Variants in STK17B observed in about 807,000 individuals in gnomAD.
STK17B encodes the protein serine/threonine kinase 17b.
In STK17B, 21 loss-of-function variants were observed where a neutral mutation model predicts 42.0. The observed-to-expected ratio is 0.50, with a 90% confidence interval of 0.35 to 0.72. The LOEUF (loss-of-function observed/expected upper bound fraction) is 0.72, where lower values mean the gene tolerates loss of function less well. STK17B is among the 30% of genes least tolerant of loss of function. The probability of loss-of-function intolerance (pLI) is 0.00; values close to 1 mark genes in which losing one functional copy is unlikely to be tolerated. For synonymous variants in STK17B, 143 were observed against 148.4 expected, an observed-to-expected ratio of 0.96 and a Z score of 0.26; for missense variants, 349 against 446.0, an observed-to-expected ratio of 0.78 and a Z score of 1.96.
chr2:196,171,788 T>G (rs952000312), upstream of STK17B, among the ~76,000 whole-genome samples: 1 of 80,178 alleles, frequency 1.2e-5, no homozygotes, highest in South Asian at 4.0e-4. Flanking sequence ...CGCGGCGGCG[T>G]GGCGGCGCAG....
In STK17B at chr2:196,156,595, G is replaced by T; in HGVS notation, c.179C>A (p.Ala60Asp). The T allele has an allele frequency of 1.2e-6, 2 of 1,613,980 alleles. No homozygotes were observed. Among genetic ancestry groups the T allele is most frequent in the Non-Finnish European group, 1.7e-6 (2 of 1,179,964 alleles). The change falls in exon 3 of 8, where the codon GCT becomes GAT. Residue 60 changes from alanine to aspartate, a missense_variant. Around this residue, in one of 3 missense-constraint regions of STK17B, gnomAD observed 256 missense variants for 347.7 expected, o/e 0.74. Transcript: ENST00000263955. The stretch of plus-strand genomic sequence containing the variant: ...TCTTCTCTTTTTTAGAAATTTTGCA[G>T]CATATTCTTGGCCAGTAGATTTTGA... ...CISKSTGQEY[A>D]AKFLKKRRRG... is the part of the protein sequence containing the mutation.
chr2:196,169,387 AT>A (rs1699910455), intron 1 of STK17B, among the ~76,000 whole-genome samples: 1 of 152,176 alleles, frequency 6.6e-6, no homozygotes, highest in African/African-American at 2.4e-5. Context: ...TTAACTGCCA[AT>A]CTTACATACA....
intron 3 of STK17B, among the ~76,000 whole-genome samples, chr2:196,152,343 A>G (rs796588663): frequency 6.6e-6 from 1 of 152,088 alleles, no homozygotes; most frequent in Non-Finnish European, 1.5e-5. Flanking sequence ...TCCTGACCTC[A>G]TGATCCTCCT....
rs1382979028 is a variant in STK17B at position 196,135,373 on chromosome 2, C to A, written c.*2074G>T. ...ATACAAGGGCTCAATTTAGATTATACAACGTCTAGTTTATTGGACCAACAA... is the reference window on the plus strand; with the variant it reads ...ATACAAGGGCTCAATTTAGATTATAAAACGTCTAGTTTATTGGACCAACAA... On this transcript the variant is annotated 3_prime_UTR_variant, in exon 8 of 8. Coordinates refer to ENST00000263955, the MANE Select transcript of STK17B (RefSeq NM_004226.4). 6.6e-6 allele frequency: 1 copy of A among 152,152 alleles called. No individual in the cohort carries two copies. The highest frequency in any genetic ancestry group is 2.4e-5 in the African/African-American group (1 of 41,432). 9.4% of individuals were successfully genotyped at this position (152,152 alleles called of 1,614,324 possible).
Position 196,156,498 on chromosome 2 carries a change from A to C in STK17B, c.276T>G (p.Arg92=), listed in dbSNP as rs756846156. ...CATAGACCTCATGAAGATTAATAAC[A>C]CGGGGACAAGACTTTGCCAATTCAA... ...AVLELAKSCP[R]VINLHEVYEN... The change falls in exon 3 of 8, where the codon CGT becomes CGG. Residue 92 remains arginine (R), a synonymous_variant. Coordinates refer to ENST00000263955, the MANE Select transcript of STK17B (RefSeq NM_004226.4). 6.2e-7 allele frequency: 1 copy of C among 1,614,102 alleles called. No homozygotes were observed. The highest frequency in any genetic ancestry group is 1.1e-5 in the South Asian group (1 of 91,084).
At chr2:196,164,407 A>AT (rs1248926244) in intron 1 of STK17B, among the ~76,000 whole-genome samples, 1 of 152,194 alleles carries the variant, frequency 6.6e-6, no homozygotes, top group Non-Finnish European at 1.5e-5. Flanking sequence ...TGAAGCTCAT[A>AT]TATGTATCTG....
At chr2:196,164,379 A>C (rs1699851760) in intron 1 of STK17B, among the ~76,000 whole-genome samples, 1 of 152,172 alleles carries the variant, frequency 6.6e-6, no homozygotes, top group African/African-American at 2.4e-5. Flanking sequence ...ATAAAGCTTT[A>C]TTTCGAAGTT....
intron 3 of STK17B, among the ~76,000 whole-genome samples, chr2:196,152,382 C>T (rs988256107): frequency 6.6e-6 from 1 of 152,224 alleles, no homozygotes; most frequent in Non-Finnish European, 1.5e-5. Flanking sequence ...GCTGGGATTA[C>T]AGGCGTGAGC....
At chr2:196,163,137 C>G in intron 2 of STK17B, 125 bp downstream of exon 2, 1 of 1,187,040 alleles carries the variant, frequency 8.4e-7, no homozygotes, top group South Asian at 1.4e-5. Flanking sequence ...GTAACAGCAA[C>G]AGAGATCACA....
rs758529641 is a variant in STK17B at position 196,152,798 on chromosome 2, TAAAG to T, written c.335+3637_335+3640del. Among the ~76,000 whole-genome samples, 47 of 152,070 alleles carry T rather than the reference TAAAG, an allele frequency of 3.1e-4. 1 individual carries two copies. Among genetic ancestry groups the T allele is most frequent in the Non-Finnish European group, 4.9e-4 (33 of 68,018 alleles). On this transcript the variant is annotated intron_variant, in intron 3 of 7. Transcript: ENST00000263955. ...GCTTATATATGCAAGAAGAAACATA[TAAAG>T]AATGAGCCAGAATGAATAAATGTGG...
At chr2:196,147,397 G>T (rs1327275824) in intron 3 of STK17B, among the ~76,000 whole-genome samples, 2 of 152,038 alleles carry the variant, frequency 1.3e-5, no homozygotes, top group African/African-American at 4.8e-5. Context: ...TGAAGCTGGG[G>T]ATTCAGAAGT....
chr2:196,169,773 C>T (rs755965679), intron 1 of STK17B, among the ~76,000 whole-genome samples: 18 of 152,038 alleles, frequency 1.2e-4, no homozygotes, highest in Non-Finnish European at 2.1e-4. Context: ...CAAGAGAAAC[C>T]GCAACCATTC....
chr2:196,153,118 T>C (rs1699688840), intron 3 of STK17B: 1 of 151,880 alleles, frequency 6.6e-6, no homozygotes, highest in Non-Finnish European at 1.5e-5. Context: ...TGCAAACCTT[T>C]TTTAGAATTT....
chr2:196,170,391 G>A (rs1279938190), intron 1 of STK17B, among the ~76,000 whole-genome samples: 4 of 152,058 alleles, frequency 2.6e-5, no homozygotes, highest in African/African-American at 9.7e-5. Flanking sequence ...CAAAACAATC[G>A]GTGAATGTGA....
At chr2:196,140,692 G>C (rs1236475965) in intron 6 of STK17B, among the ~76,000 whole-genome samples, 2 of 148,946 alleles carry the variant, frequency 1.3e-5, no homozygotes, top group Non-Finnish European at 3.0e-5. Context: ...AGCATCCTGA[G>C]TAGCTGGGAT....
chr2:196,158,719 T>C (rs1020673081), intron 2 of STK17B, among the ~76,000 whole-genome samples: 1 of 135,916 alleles, frequency 7.4e-6, no homozygotes, highest in Non-Finnish European at 1.6e-5. Flanking sequence ...CCCTTTAAAA[T>C]AGTTTTGTTG....
rs749342673 is a variant in STK17B, at chr2:196,137,448, T to C, written c.1118A>G (p.Ter373TrpextTer5). The C allele has an allele frequency of 6.2e-7, 1 of 1,612,788 alleles. No individual in the cohort carries two copies. The highest frequency in any genetic ancestry group is 1.7e-5 in the Admixed American group (1 of 59,832). ...CCAAATGAGTCAAAGAAAAAAGTGCTAACAGAGCAAATCTGAAACAAGTTC... is the reference window on the plus strand; with the variant it reads ...CCAAATGAGTCAAAGAAAAAAGTGCCAACAGAGCAAATCTGAAACAAGTTC... ...PHELVSDLLC[*>W] The change falls in exon 8 of 8, where the codon TAG becomes TGG. Residue 373 changes from the stop codon to tryptophan, a stop_lost. Coordinates refer to ENST00000263955, the MANE Select transcript of STK17B (RefSeq NM_004226.4).
Position 196,137,531 on chromosome 2 carries a change from C to T in STK17B, c.1035G>A (p.Glu345=). 1.9e-6 allele frequency: 3 copies of T among 1,614,072 alleles called. No homozygotes were observed. The highest frequency in any genetic ancestry group is 1.7e-4 in the Middle Eastern group (1 of 6,060). ...GDREDKENIP[E]DSSMVSKRFR... is the part of the protein sequence containing the mutation. ...ATCTTTTGGAAACCATGCTGCTATC[C>T]TCTGGGATATTCTCTTTGTCTTCTC... Residue 345 remains glutamate (E), a synonymous_variant, in exon 8 of 8, where the codon GAG becomes GAA. Transcript: ENST00000263955.
At chr2:196,171,766 G>A (rs1471183646), upstream of STK17B, among the ~76,000 whole-genome samples, 1 of 149,432 alleles carries the variant, frequency 6.7e-6, no homozygotes, top group Non-Finnish European at 1.5e-5. Context: ...GGCCCGAGGC[G>A]GGGCGGGGAG....
Sources: gnomAD v4.1 joint callset for allele counts (sites outside exome capture counted in the v4.1 genomes callset) on GRCh38, gnomAD v4.1.1 for gene constraint, gnomAD v4.1.1 regional missense constraint, MANE v1.5 for transcripts, NCBI Gene and HGNC (gene_info 2026-07-23, HGNC 2026-07-21) for gene names.